Variants in CNN1 observed in about 807,000 individuals in gnomAD.
The protein encoded by CNN1 is calponin 1, also known as calponin-1.
In CNN1, 21 loss-of-function variants were observed where a neutral mutation model predicts 35.3. That is an observed-to-expected ratio of 0.60 (90% CI 0.42 to 0.86). The LOEUF (loss-of-function observed/expected upper bound fraction) is 0.86, where lower values mean the gene tolerates loss of function less well. Ranked by LOEUF, CNN1 falls within the 40% of genes least tolerant of loss-of-function variation. CNN1 has a pLI of 0.00. For synonymous variants in CNN1, 164 were observed against 161.8 expected (o/e 1.01, Z -0.10); for missense variants, 314 against 400.8 (o/e 0.78, Z 1.85).
In CNN1 at chr19:11,549,966, G is replaced by A. The variant is rs1229673861; in HGVS notation, c.*171G>A. ...AGAGCAGACTGGCGGGGGGCCCATT[G>A]GGGGGAAGGGGACCCTCCGCTCTGT... On this transcript the variant is annotated 3_prime_UTR_variant, in exon 7 of 7. Coordinates refer to ENST00000252456, the MANE Select transcript of CNN1 (RefSeq NM_001299.6). The surrounding 1 kb of genome is among the most constrained non-coding windows in gnomAD (Gnocchi z 5.2). 13 of 983,724 alleles carry A rather than the reference G, an allele frequency of 1.3e-5. No homozygotes were observed. The highest frequency in any genetic ancestry group is 1.8e-5 in the Non-Finnish European group (12 of 682,570). 60.9% of individuals were successfully genotyped at this position (983,724 alleles called of 1,614,324 possible).
intron 5 of CNN1, 111 bp downstream of exon 5, chr19:11,548,018 A>T: frequency 1.4e-6 from 1 of 735,802 alleles, no homozygotes; most frequent in Non-Finnish European, 2.2e-6. Context: ...TAGGCCGGGT[A>T]CTGTGCTTAT....
chr19:11,549,828 G>C lies in CNN1; in HGVS notation c.*33G>C. The C allele has an allele frequency of 6.4e-7, 1 of 1,572,560 alleles. No homozygotes were observed. The highest frequency in any genetic ancestry group is 8.7e-7 in the Non-Finnish European group (1 of 1,154,470). On this transcript the variant is annotated 3_prime_UTR_variant, in exon 7 of 7. Coordinates refer to ENST00000252456, the MANE Select transcript of CNN1 (RefSeq NM_001299.6). This position sits in a 1 kb window ranked among gnomAD's most constrained non-coding sequence, Gnocchi z 5.2. ...AGGCCTTCCCTGTTTTCCCCCCAAG[G>C]GAGGCTGCTGCTGCTCTTGGCTGGA...
intron 4 of CNN1, 91 bp from the exon 5 acceptor site, chr19:11,547,706 C>G (rs1279434997): frequency 7.8e-6 from 8 of 1,031,352 alleles, no homozygotes; most frequent in Non-Finnish European, 1.2e-5. Flanking sequence ...GAGCGAGACT[C>G]TGTGTCAACA....
chr19:11,543,963 CTCATTCATTCAT>C (rs141056725), intron 2 of CNN1, among the ~76,000 whole-genome samples: 1 of 151,416 alleles, frequency 6.6e-6, no homozygotes, highest in African/African-American at 2.4e-5. Flanking sequence ...CGGTCATTCA[CTCATTCATTCAT>C]TCATTCATTC....
chr19:11,548,170 C>A (rs1227244556), intron 5 of CNN1, among the ~76,000 whole-genome samples: 1 of 152,094 alleles, frequency 6.6e-6, no homozygotes, highest in African/African-American at 2.4e-5. Context: ...CCAGCTGATG[C>A]GTGGCAGGCT....
At chr19:11,543,563 G>C (rs1357822657) in intron 2 of CNN1, among the ~76,000 whole-genome samples, 2 of 151,516 alleles carry the variant, frequency 1.3e-5, no homozygotes, top group African/African-American at 4.8e-5. Flanking sequence ...GGCGGATCAC[G>C]AGGTCAGGAG....
chr19:11,545,971 GA>G (rs939027562), intron 2 of CNN1, among the ~76,000 whole-genome samples: 8 of 140,686 alleles, frequency 5.7e-5, no homozygotes, highest in African/African-American at 7.9e-5. Flanking sequence ...GCATCAAAAA[GA>G]AAAAAAAAAG....
intron 2 of CNN1, among the ~76,000 whole-genome samples, chr19:11,543,176 T>C (rs929210183): frequency 6.6e-6 from 1 of 152,102 alleles, no homozygotes; most frequent in Non-Finnish European, 1.5e-5. Context: ...CCAGATTCCA[T>C]CTCTACAAAA....
intron 2 of CNN1, among the ~76,000 whole-genome samples, chr19:11,543,282 C>G (rs1044272525): frequency 6.7e-6 from 1 of 149,370 alleles, no homozygotes; most frequent in Non-Finnish European, 1.5e-5. Context: ...CCCTGGAGGT[C>G]AAGGCTGCAG....
At chr19:11,547,082 C>T (rs1389541573) in intron 4 of CNN1, 113 bp downstream of exon 4, 39 of 1,493,570 alleles carry the variant, frequency 2.6e-5, no homozygotes, top group Middle Eastern at 4.8e-4. Context: ...GGGCAGGGAT[C>T]GGGGAGCAGG....
At chr19:11,539,071 T>G in intron 1 of CNN1, 81 bp downstream of exon 1, 3 of 1,221,656 alleles carry the variant, frequency 2.5e-6, no homozygotes, top group South Asian at 1.8e-5. Context: ...TTGAACCCCC[T>G]CCTGCCTATC....
At chr19:11,544,450 G>A (rs1461621563) in intron 2 of CNN1, among the ~76,000 whole-genome samples, 2 of 152,036 alleles carry the variant, frequency 1.3e-5, no homozygotes, top group Non-Finnish European at 2.9e-5. Flanking sequence ...TGAACTGAGA[G>A]TCAGATGGTG....
chr19:11,546,683 A>G lies in CNN1; in HGVS notation c.194A>G (p.Asn65Ser). ...TTCCCCACTCTTCTCAGATTCATCAATAAGCTGCAGCCAGGCTCCGTGAAG... is the reference window on the plus strand; with the variant it reads ...TTCCCCACTCTTCTCAGATTCATCAGTAAGCTGCAGCCAGGCTCCGTGAAG... ...KDGIILCEFI[N>S]KLQPGSVKKI... Residue 65 changes from asparagine to serine, a missense_variant, in exon 3 of 7, where the codon AAT (asparagine) becomes AGT (serine). Physicochemically the swap from Asn to Ser is conservative, Grantham distance 46. Coordinates refer to ENST00000252456, the MANE Select transcript of CNN1 (RefSeq NM_001299.6). 1 of 1,614,180 alleles carries G rather than the reference A, an allele frequency of 6.2e-7. No individual in the cohort carries two copies. The highest frequency in any genetic ancestry group is 2.2e-5 in the East Asian group (1 of 44,880).
At chr19:11,546,561 C>A in intron 2 of CNN1, 114 bp from the exon 3 acceptor site, 3 of 1,061,556 alleles carry the variant, frequency 2.8e-6, no homozygotes, top group Non-Finnish European at 4.3e-6. Flanking sequence ...GTCTCGCTCT[C>A]CTGACCTCGT....
intron 5 of CNN1, among the ~76,000 whole-genome samples, 170 bp downstream of exon 5, chr19:11,548,077 A>C (rs1403697251): frequency 6.6e-6 from 1 of 152,170 alleles, no homozygotes; most frequent in African/African-American, 2.4e-5. Flanking sequence ...ACCCCAGCAG[A>C]CAGGTGCTTG....
intron 1 of CNN1, chr19:11,539,856 G>C (rs1238537358): frequency 8.6e-7 from 1 of 1,165,640 alleles, no homozygotes; most frequent in African/African-American, 1.7e-5. Flanking sequence ...ACAGATCCCA[G>C]CGCCGCCCTC....
At chr19:11,540,396 T>C (rs1972434312) in intron 1 of CNN1, 1 of 150,468 alleles carries the variant, frequency 6.6e-6, no homozygotes, top group East Asian at 2.0e-4. Context: ...GCCCTACCCC[T>C]GGCCAGACAG....
At position 11,546,761 on chromosome 19, in the gene CNN1, C is replaced by A. The variant is rs1972594721; in HGVS notation, c.252+20C>A. 6.2e-7 allele frequency: 1 copy of A among 1,614,094 alleles called. No homozygotes were observed. Among genetic ancestry groups the A allele is most frequent in the Non-Finnish European group, 8.5e-7 (1 of 1,180,040 alleles). On this transcript the variant is annotated intron_variant, in intron 3 of 6. Transcript: ENST00000252456. ...CACCAGGTGAGCCCAGACACAATCT[C>A]TTCCATCCTTGCCCGCAAGCCCCTC...
At chr19:11,547,329 G>A (rs967988238) in intron 4 of CNN1, among the ~76,000 whole-genome samples, 10 of 151,764 alleles carry the variant, frequency 6.6e-5, no homozygotes, top group African/African-American at 1.9e-4. Context: ...CCCGGGAGGC[G>A]GAGTCTGCAG....
Sources: gnomAD v4.1 joint callset for allele counts (sites outside exome capture counted in the v4.1 genomes callset) on GRCh38, gnomAD v4.1.1 for gene constraint, Gnocchi (gnomAD v3.1) non-coding constraint, MANE v1.5 for transcripts, NCBI Gene and HGNC (gene_info 2026-07-23, HGNC 2026-07-21) for gene names.